DOCK10: variants seen among roughly 807,000 people sequenced by gnomAD.
The protein encoded by DOCK10 is dedicator of cytokinesis protein 10.
A neutral mutation model predicts 280.1 loss-of-function variants in DOCK10; 145 were observed. The observed-to-expected ratio is 0.52, with a 90% confidence interval of 0.45 to 0.59. The LOEUF (loss-of-function observed/expected upper bound fraction) is 0.59. Among genes scored for constraint, DOCK10 ranks in the 20% least tolerant of loss-of-function variants. DOCK10 has a pLI of 0.00. For synonymous variants in DOCK10, 915 were observed against 942.2 expected, an observed-to-expected ratio of 0.97 and a Z score of 0.53; for missense variants, 2,368 against 2,651.7, an observed-to-expected ratio of 0.89 and a Z score of 2.35.
At chr2:224,873,861 G>T in intron 11 of DOCK10, 135 bp downstream of exon 11, 1 of 858,688 alleles carries the variant, frequency 1.2e-6, no homozygotes, top group East Asian at 2.6e-5. Flanking sequence ...GTGGGAAAAG[G>T]CTGTTAATAA....
At chr2:224,863,489 C>T (rs888375457) in intron 13 of DOCK10, among the ~76,000 whole-genome samples, 3 of 152,010 alleles carry the variant, frequency 2.0e-5, no homozygotes, top group African/African-American at 7.2e-5. Context: ...CGCTCTGTCG[C>T]CCGCCCAGGC....
At chr2:224,902,020 A>G (rs1231482466) in intron 3 of DOCK10, among the ~76,000 whole-genome samples, 1 of 152,260 alleles carries the variant, frequency 6.6e-6, no homozygotes, top group Non-Finnish European at 1.5e-5. Context: ...ACAACAAATG[A>G]TACTTTGAAA....
At chr2:225,011,247 G>A (rs998497911) in intron 1 of DOCK10, among the ~76,000 whole-genome samples, 1 of 152,148 alleles carries the variant, frequency 6.6e-6, no homozygotes, top group Admixed American at 6.5e-5. Flanking sequence ...AAGGACTTAC[G>A]GCTTTTCAGG....
intron 48 of DOCK10, 70 bp downstream of exon 48, chr2:224,788,994 T>C: frequency 1.1e-6 from 1 of 910,716 alleles, no homozygotes; most frequent in Non-Finnish European, 1.7e-6. Flanking sequence ...TTCCCCCTTA[T>C]TTAGCTTAAT....
chr2:224,765,146 C>T lies in DOCK10; in HGVS notation c.*575G>A, dbSNP rs1690022122. Reference sequence around the variant, plus strand: ...ACAATAAAATACTTTCATAATTTCACATCCCATTGCTTTTAAGAGCACATA... The same window carrying T: ...ACAATAAAATACTTTCATAATTTCATATCCCATTGCTTTTAAGAGCACATA... On this transcript the variant is annotated 3_prime_UTR_variant, in exon 56 of 56. Coordinates refer to ENST00000258390, the MANE Select transcript of DOCK10 (RefSeq NM_014689.3). 6.6e-6 allele frequency: 1 copy of T among 152,652 alleles called. No individual in the cohort carries two copies. The highest frequency in any genetic ancestry group is 1.5e-5 in the Non-Finnish European group (1 of 68,048). 9.5% of individuals were successfully genotyped at this position (152,652 alleles called of 1,614,324 possible).
chr2:225,031,122 G>GT (rs1318479262), intron 1 of DOCK10, among the ~76,000 whole-genome samples: 3 of 152,188 alleles, frequency 2.0e-5, no homozygotes, highest in Non-Finnish European at 4.4e-5. Context: ...TATCAGAAGT[G>GT]TAAGGGCAAA....
chr2:224,902,571 A>G (rs1471383413), intron 3 of DOCK10, among the ~76,000 whole-genome samples: 1 of 152,200 alleles, frequency 6.6e-6, no homozygotes, highest in African/African-American at 2.4e-5. Flanking sequence ...TCACACTGAG[A>G]CATTTCAGAG....
chr2:225,015,259 T>G (rs894658139), intron 1 of DOCK10, among the ~76,000 whole-genome samples: 1 of 152,210 alleles, frequency 6.6e-6, no homozygotes, highest in African/African-American at 2.4e-5. Flanking sequence ...AGCTGGAAGA[T>G]AGTCAAAATA....
At chr2:224,768,871 C>A (rs1407464423) in intron 55 of DOCK10, 2 of 456,342 alleles carry the variant, frequency 4.4e-6, no homozygotes, top group Admixed American at 2.4e-5. Flanking sequence ...GAAAAACATA[C>A]CACTTTTGCT....
Position 224,805,656 on chromosome 2 carries a change from T to G in DOCK10, c.3815-127A>C. ...GCAGCAGTGTTGTCAAAGACCAACA[T>G]AACAGCGTCTGGGATTGGCATTAAA... On this transcript the variant is annotated intron_variant, in intron 34 of 55. Transcript: ENST00000258390. The surrounding 1 kb of genome is among the most constrained non-coding windows in gnomAD (Gnocchi z 4.3). 4 of 1,224,300 alleles carry G rather than the reference T, an allele frequency of 3.3e-6. No homozygotes were observed. Among genetic ancestry groups the G allele is most frequent in the Non-Finnish European group, 3.4e-6 (3 of 880,892 alleles). 75.8% of individuals were successfully genotyped at this position (1,224,300 alleles called of 1,614,324 possible). A position where few individuals can be genotyped will look rare whatever the true frequency, so the allele number is the denominator to read the frequency against.
intron 19 of DOCK10, among the ~76,000 whole-genome samples, chr2:224,846,752 C>T (rs1344894705): frequency 6.6e-6 from 1 of 152,206 alleles, no homozygotes; most frequent in Non-Finnish European, 1.5e-5. Context: ...GTCTCGGCCT[C>T]CCGAAGTGCT....
At chr2:224,923,922 T>C (rs568714643) in intron 2 of DOCK10, among the ~76,000 whole-genome samples, 71 of 152,366 alleles carry the variant, frequency 4.7e-4, no homozygotes, top group African/African-American at 1.6e-3. Context: ...CGAAAGGTTA[T>C]GCTGCTGATG....
intron 1 of DOCK10, among the ~76,000 whole-genome samples, chr2:224,969,373 G>C (rs1704956073): frequency 6.6e-6 from 1 of 152,180 alleles, no homozygotes; most frequent in South Asian, 2.1e-4. Flanking sequence ...AGGTGAACTT[G>C]GGTGATTCCA....
chr2:224,888,219 CTGTG>C (rs113299591), intron 4 of DOCK10, among the ~76,000 whole-genome samples: 7,451 of 140,092 alleles, frequency 0.053, 203 homozygotes, highest in South Asian at 0.075. Context: ...TAATATAGGC[CTGTG>C]TGTGTGTGTG....
In DOCK10 at chr2:225,014,081, A is replaced by ATATATATATATATATATTT. The variant is rs776104946; in HGVS notation, c.123+28170_123+28171insAAATATATATATATATATA. Among the ~76,000 whole-genome samples, 220 of 96,778 alleles carry ATATATATATATATATATTT rather than the reference A, an allele frequency of 2.3e-3. 1 individual carries two copies. Among genetic ancestry groups the ATATATATATATATATATTT allele is most frequent in the African/African-American group, 9.6e-3 (204 of 21,324 alleles). The allele number at this position is 96,778 out of a possible 152,430, so 63.5% of individuals were successfully genotyped here. ...AAAAAATCCCCAGAAGTCTGAATAT[A>ATATATATATATATATATTT]TTGTTTTTTTTTTTTTGTTTTTTTT... On this transcript the variant is annotated intron_variant, in intron 1 of 55. Coordinates refer to ENST00000258390, the MANE Select transcript of DOCK10 (RefSeq NM_014689.3).
chr2:224,926,231 G>A (rs1702037532), intron 2 of DOCK10, among the ~76,000 whole-genome samples: 1 of 152,236 alleles, frequency 6.6e-6, no homozygotes, highest in Non-Finnish European at 1.5e-5. Context: ...ATAAAGGAAA[G>A]TGCTTCTGTG....
chr2:224,872,635 C>T (rs1042677824), intron 11 of DOCK10, among the ~76,000 whole-genome samples: 2 of 152,212 alleles, frequency 1.3e-5, no homozygotes, highest in African/African-American at 4.8e-5. Context: ...CATCCACTCA[C>T]TGTCACAACT....
chr2:225,013,611 G>A (rs945855849), intron 1 of DOCK10, among the ~76,000 whole-genome samples: 7 of 152,102 alleles, frequency 4.6e-5, no homozygotes, highest in East Asian at 3.9e-4. Context: ...CTAGATTCTC[G>A]CATTCCCTAG....
chr2:224,950,643 A>G (rs1266380324), intron 1 of DOCK10, among the ~76,000 whole-genome samples: 1 of 152,162 alleles, frequency 6.6e-6, no homozygotes, highest in Non-Finnish European at 1.5e-5. Flanking sequence ...TTAATGTGCA[A>G]TGCTGATTTA....
Sources: gnomAD v4.1 joint callset for allele counts (sites outside exome capture counted in the v4.1 genomes callset) on GRCh38, gnomAD v4.1.1 for gene constraint, Gnocchi (gnomAD v3.1) non-coding constraint, MANE v1.5 for transcripts, NCBI Gene and HGNC (gene_info 2026-07-23, HGNC 2026-07-21) for gene names.